Variants in RASSF3 observed in about 807,000 individuals in gnomAD.
The protein encoded by RASSF3 is Ras association domain family member 3.
RASSF3 carries 19 observed loss-of-function variants against 19.9 expected under a neutral mutation model. The observed-to-expected ratio is 0.96, with a 90% CI of 0.67 to 1.40. The LOEUF is 1.40. Ranked by LOEUF, RASSF3 falls within the 40% of genes most tolerant of loss-of-function variation. The pLI, the probability that RASSF3 is intolerant of heterozygous loss-of-function variation, is 0.00. For missense variants in RASSF3, 306 were observed against 289.8 expected, an observed-to-expected ratio of 1.06 and a Z score of -0.41; for synonymous variants, 110 against 104.2, an observed-to-expected ratio of 1.06 and a Z score of -0.34.
intron 1 of RASSF3, among the ~76,000 whole-genome samples, chr12:64,673,210 T>G (rs537516551): frequency 2.6e-5 from 4 of 152,218 alleles, no homozygotes; most frequent in African/African-American, 4.8e-5. Context: ...TGATTGCTGT[T>G]AGCTGAAGGA....
chr12:64,514,157 G>C (rs1268625834), intron 1 of RASSF3, among the ~76,000 whole-genome samples: 1 of 146,548 alleles, frequency 6.8e-6, no homozygotes, highest in Non-Finnish European at 1.5e-5. Flanking sequence ...AAAGTGCTGG[G>C]ATTACAGGCA....
intron 2 of RASSF3, among the ~76,000 whole-genome samples, chr12:64,577,848 C>A (rs1403211534): frequency 6.6e-6 from 1 of 152,206 alleles, no homozygotes; most frequent in Non-Finnish European, 1.5e-5. Context: ...GAGACTTTTT[C>A]AGAGTTATGA....
chr12:64,623,306 G>A (rs1245170), intron 1 of RASSF3, among the ~76,000 whole-genome samples: 120,077 of 152,156 alleles, frequency 0.79, 47,735 homozygotes, highest in African/African-American at 0.85. Flanking sequence ...CAGTTAACAG[G>A]GCATTCCAAG....
At chr12:64,607,921 AT>A (rs766753850), upstream of RASSF3, among the ~76,000 whole-genome samples, 3 of 150,296 alleles carry the variant, frequency 2.0e-5, no homozygotes, top group Non-Finnish European at 3.0e-5. Context: ...ACATTGGCTA[AT>A]TTTTTTTTGT....
chr12:64,650,562 C>T (rs1446919803), intron 1 of RASSF3, among the ~76,000 whole-genome samples: 2 of 151,570 alleles, frequency 1.3e-5, no homozygotes, highest in African/African-American at 2.4e-5. Context: ...ATTACAGGTG[C>T]GCGCCACCAC....
intron 2 of RASSF3, among the ~76,000 whole-genome samples, chr12:64,559,692 G>A (rs1434240880): frequency 1.3e-5 from 2 of 152,172 alleles, no homozygotes; most frequent in African/African-American, 4.8e-5. Flanking sequence ...AGCCACTTTA[G>A]CAGTGAGTTT....
chr12:64,520,808 G>A (rs951866715), intron 1 of RASSF3, among the ~76,000 whole-genome samples: 1 of 151,902 alleles, frequency 6.6e-6, no homozygotes, highest in African/African-American at 2.4e-5. Context: ...ACAGCCCCTG[G>A]GGAGTCTACA....
intron 1 of RASSF3, among the ~76,000 whole-genome samples, chr12:64,639,603 A>G (rs1419450011): frequency 1.3e-5 from 2 of 152,188 alleles, no homozygotes; most frequent in African/African-American, 4.8e-5. Flanking sequence ...GTCACCTGGA[A>G]TGCTCCCTTT....
Position 64,647,821 on chromosome 12 carries a change from G to T in RASSF3, c.112-36966G>T, listed in dbSNP as rs943538080. Among the ~76,000 whole-genome samples the T allele has an allele frequency of 4.6e-5, 7 of 151,934 alleles. No individual in the cohort carries two copies. In the East Asian group the frequency reaches 9.6e-4, roughly 21 times the overall value. On this transcript the variant is annotated intron_variant, in intron 1 of 4. Transcript: ENST00000542104. The stretch of plus-strand genomic sequence containing the variant: ...CATCTCAGCCTCCCAAAGTGCTGGG[G>T]TTACAGGCATGAGCCACTGTCCCCA...
chr12:64,601,115 A>G (rs1415482149), intron 2 of RASSF3, among the ~76,000 whole-genome samples: 1 of 151,252 alleles, frequency 6.6e-6, no homozygotes, highest in Admixed American at 6.6e-5. Flanking sequence ...CAGGCAGACC[A>G]TGCCTCAATA....
intron 2 of RASSF3, among the ~76,000 whole-genome samples, chr12:64,566,016 C>T (rs1037791535): frequency 2.0e-5 from 3 of 152,042 alleles, no homozygotes; most frequent in East Asian, 3.9e-4. Flanking sequence ...GCCTGGCCAA[C>T]ATGGTGAAAC....
intron 2 of RASSF3, among the ~76,000 whole-genome samples, chr12:64,568,761 G>A (rs1592403528): frequency 6.6e-6 from 1 of 151,808 alleles, no homozygotes; most frequent in Non-Finnish European, 1.5e-5. Context: ...CCAGGCTGGA[G>A]TGCAGTGGCA....
Position 64,621,933 on chromosome 12 carries a change from G to A in RASSF3, c.111+11190G>A, listed in dbSNP as rs73319656. Among the ~76,000 whole-genome samples the A allele has an allele frequency of 5.8e-3, 877 of 151,794 alleles. 8 individuals carry two copies. Among genetic ancestry groups the A allele is most frequent in the African/African-American group, 0.019 (801 of 41,184 alleles). On this transcript the variant is annotated intron_variant, in intron 1 of 4. Coordinates refer to ENST00000542104, the MANE Select transcript of RASSF3 (RefSeq NM_178169.4). ...CAGAAGGTGGGGAGTTGGGTGATGT[G>A]TTTTCTACTAACCATGTGTTTTAAA...
chr12:64,618,775 C>T (rs1870640233), intron 1 of RASSF3, among the ~76,000 whole-genome samples: 1 of 152,032 alleles, frequency 6.6e-6, no homozygotes, highest in African/African-American at 2.4e-5. Flanking sequence ...ATAGAAGTGA[C>T]CATTCTAAAA....
chr12:64,578,383 G>C (rs1044478936), intron 2 of RASSF3, among the ~76,000 whole-genome samples: 6 of 152,270 alleles, frequency 3.9e-5, no homozygotes, highest in Middle Eastern at 3.4e-3. Context: ...GCCAGGTGTG[G>C]TGGCTCCTGC....
At chr12:64,552,279 TG>T (rs1254705409) in intron 2 of RASSF3, among the ~76,000 whole-genome samples, 1 of 151,626 alleles carries the variant, frequency 6.6e-6, no homozygotes, top group African/African-American at 2.4e-5. Flanking sequence ...ATTTGAACCC[TG>T]GGTTCCACTG....
chr12:64,561,814 T>A (rs1869351993), intron 2 of RASSF3, among the ~76,000 whole-genome samples: 1 of 144,930 alleles, frequency 6.9e-6, no homozygotes, highest in Non-Finnish European at 1.5e-5. Flanking sequence ...TGTCTCAGCC[T>A]CCCGAGTAGC....
At chr12:64,587,902 C>G (rs933277562) in intron 2 of RASSF3, among the ~76,000 whole-genome samples, 1 of 152,130 alleles carries the variant, frequency 6.6e-6, no homozygotes, top group African/African-American at 2.4e-5. Flanking sequence ...TTTGGTAGTT[C>G]CATGGTATTA....
At chr12:64,561,775 CT>C (rs1869351060) in intron 2 of RASSF3, among the ~76,000 whole-genome samples, 1 of 149,808 alleles carries the variant, frequency 6.7e-6, no homozygotes, top group Admixed American at 6.7e-5. Flanking sequence ...TCACCGCAAC[CT>C]CCACCTCCTG....
Sources: allele counts gnomAD v4.1 joint callset (sites outside exome capture counted in the v4.1 genomes callset), GRCh38; gene constraint gnomAD v4.1.1; transcripts MANE v1.5; gene names NCBI Gene and HGNC (gene_info 2026-07-23, HGNC 2026-07-21).